Variants in ANO4 observed in about 807,000 individuals in gnomAD.
ANO4 encodes anoctamin-4.
A neutral mutation model predicts 141.9 loss-of-function variants in ANO4; 69 were observed. That is an observed-to-expected ratio of 0.49 (90% confidence interval 0.40 to 0.59). ANO4 has a LOEUF of 0.59. Among genes scored for constraint, ANO4 ranks in the 20% least tolerant of loss-of-function variants. The pLI, the probability that ANO4 is intolerant of heterozygous loss-of-function variation, is 0.00. For synonymous variants in ANO4, 350 were observed against 394.3 expected (o/e 0.89, Z 1.33); for missense variants, 894 against 1,162.2 (o/e 0.77, Z 3.36).
chr12:100,738,773 C>T (rs2031721376), intron 2 of ANO4, among the ~76,000 whole-genome samples: 1 of 151,612 alleles, frequency 6.6e-6, no homozygotes. Context: ...TTGACATGAC[C>T]ATCATATCAC....
At chr12:100,947,571 A>T (rs1018183523) in intron 5 of ANO4, among the ~76,000 whole-genome samples, 1 of 152,224 alleles carries the variant, frequency 6.6e-6, no homozygotes, top group African/African-American at 2.4e-5. Context: ...GTTTGCACTC[A>T]TCTCTCAGAA....
intron 8 of ANO4, among the ~76,000 whole-genome samples, chr12:101,012,070 T>C (rs1593008979): frequency 6.6e-6 from 1 of 152,278 alleles, no homozygotes; most frequent in South Asian, 2.1e-4. Flanking sequence ...ATGATACTGA[T>C]TTTGAGAATC....
At chr12:100,963,489 T>C (rs1208869757) in intron 5 of ANO4, among the ~76,000 whole-genome samples, 2 of 151,938 alleles carry the variant, frequency 1.3e-5, no homozygotes, top group Non-Finnish European at 2.9e-5. Context: ...TGTGTGTGTG[T>C]CTGTGTGTGT....
chr12:101,043,639 AT>A lies in ANO4; in HGVS notation c.1251+7del. ...AGACAGCTGTGTATATGCCAAGGTA[AT>A]TTCAAACTGTAGCATTTTAGATGAA... On this transcript the variant is annotated splice_donor_5th_base_variant and intron_variant, in intron 13 of 27. Transcript: ENST00000392977. The A allele has an allele frequency of 6.3e-7, 1 of 1,596,522 alleles. No homozygotes were observed. Among genetic ancestry groups the A allele is most frequent in the African/African-American group, 1.3e-5 (1 of 74,684 alleles).
chr12:100,874,964 A>C (rs1449581655), intron 1 of ANO4, among the ~76,000 whole-genome samples: 1 of 151,962 alleles, frequency 6.6e-6, no homozygotes, highest in Non-Finnish European at 1.5e-5. Context: ...CTTGTTTTTG[A>C]TTTTACAGGC....
chr12:100,965,657 A>T (rs2043621518), intron 5 of ANO4, among the ~76,000 whole-genome samples: 1 of 151,700 alleles, frequency 6.6e-6, no homozygotes, highest in Non-Finnish European at 1.5e-5. Flanking sequence ...AGTTCCCGGA[A>T]CAATCTCTGG....
At chr12:100,915,116 C>CA (rs2041278681) in intron 2 of ANO4, among the ~76,000 whole-genome samples, 1 of 152,128 alleles carries the variant, frequency 6.6e-6, no homozygotes, top group East Asian at 1.9e-4. Flanking sequence ...CCACCACACC[C>CA]AGCCTTCCCT....
At chr12:100,756,180 C>G (rs2032603502) in intron 3 of ANO4, among the ~76,000 whole-genome samples, 1 of 152,070 alleles carries the variant, frequency 6.6e-6, no homozygotes, top group South Asian at 2.1e-4. Flanking sequence ...TGTCGAATTA[C>G]AACATAGTAA....
chr12:100,857,419 A>C (rs2038234118), intron 1 of ANO4, among the ~76,000 whole-genome samples: 1 of 152,154 alleles, frequency 6.6e-6, no homozygotes, highest in African/African-American at 2.4e-5. Flanking sequence ...TAGGATGTTA[A>C]ATGCTTTACA....
At chr12:100,985,816 CA>C (rs1170421710) in intron 7 of ANO4, among the ~76,000 whole-genome samples, 1 of 152,072 alleles carries the variant, frequency 6.6e-6, no homozygotes, top group African/African-American at 2.4e-5. Context: ...AGAAGTTTAC[CA>C]TTATTTTTTA....
At position 100,919,736 on chromosome 12, in the gene ANO4, G is replaced by GTCTGTC. The variant is rs2041535474; in HGVS notation, c.56-2489_56-2488insCTGTCT. Among the ~76,000 whole-genome samples the GTCTGTC allele has an allele frequency of 1.2e-4, 16 of 133,056 alleles. 1 individual carries two copies. Among genetic ancestry groups the GTCTGTC allele is most frequent in the Admixed American group, 7.0e-4 (9 of 12,886 alleles). 87.3% of individuals were successfully genotyped at this position (133,056 alleles called of 152,430 possible). A position where few individuals can be genotyped will look rare whatever the true frequency, so the allele number is the denominator to read the frequency against. On this transcript the variant is annotated intron_variant, in intron 2 of 27. Coordinates refer to ENST00000392977, the MANE Select transcript of ANO4 (RefSeq NM_001286615.2). The stretch of plus-strand genomic sequence containing the variant: ...TGTATGTATGTATGTGTGTATGTAT[G>GTCTGTC]TATCTATCTATCTATCTATCTATCT...
intron 3 of ANO4, among the ~76,000 whole-genome samples, chr12:100,925,732 T>C (rs486679): frequency 0.24 from 35,157 of 149,434 alleles, 4,708 homozygotes; most frequent in Admixed American, 0.31. Context: ...AATTTTCACT[T>C]TTTTCTTCAA....
At chr12:100,867,478 T>C (rs1014544926) in intron 1 of ANO4, among the ~76,000 whole-genome samples, 1 of 152,096 alleles carries the variant, frequency 6.6e-6, no homozygotes, top group African/African-American at 2.4e-5. Flanking sequence ...TAGTTCTTCA[T>C]TATTCAGTCC....
chr12:101,010,710 T>C (rs2046050565), intron 8 of ANO4, among the ~76,000 whole-genome samples: 1 of 152,196 alleles, frequency 6.6e-6, no homozygotes. Context: ...AAGAAATACC[T>C]ATTTAAAAGT....
chr12:101,029,309 A>C (rs986323860), intron 9 of ANO4, among the ~76,000 whole-genome samples: 1 of 152,222 alleles, frequency 6.6e-6, no homozygotes, highest in African/African-American at 2.4e-5. Flanking sequence ...TCATGATGAC[A>C]GGATCGAATT....
At chr12:100,860,752 C>T (rs144845250) in intron 1 of ANO4, among the ~76,000 whole-genome samples, 1 of 152,088 alleles carries the variant, frequency 6.6e-6, no homozygotes, top group East Asian at 1.9e-4. Flanking sequence ...TTGGAAGAGA[C>T]AGATGATAAA....
At chr12:101,104,283 C>G (rs1325863075) in intron 22 of ANO4, among the ~76,000 whole-genome samples, 1 of 151,594 alleles carries the variant, frequency 6.6e-6, no homozygotes, top group African/African-American at 2.4e-5. Context: ...CTTAATTTCA[C>G]TTTTTTTCTC....
At chr12:100,787,676 A>G (rs927360344) in intron 3 of ANO4, among the ~76,000 whole-genome samples, 6 of 152,212 alleles carry the variant, frequency 3.9e-5, no homozygotes, top group Admixed American at 3.3e-4. Flanking sequence ...TAGAAAGAAG[A>G]AAGAAATGTT....
At chr12:101,010,361 C>T (rs1210468280) in intron 8 of ANO4, among the ~76,000 whole-genome samples, 1 of 152,048 alleles carries the variant, frequency 6.6e-6, no homozygotes, top group Admixed American at 6.6e-5. Context: ...TTAGAAATGG[C>T]CATTTGAATA....
Sources: allele counts gnomAD v4.1 joint callset (sites outside exome capture counted in the v4.1 genomes callset), GRCh38; gene constraint gnomAD v4.1.1; transcripts MANE v1.5; gene names NCBI Gene and HGNC (gene_info 2026-07-23, HGNC 2026-07-21).